CYP26B1: variants seen among roughly 807,000 people sequenced by gnomAD.
CYP26B1 encodes the protein cytochrome P450 26B1.
A neutral mutation model predicts 39.1 loss-of-function variants in CYP26B1; 8 were observed. That is an observed-to-expected ratio of 0.20 (90% CI 0.12 to 0.37). The LOEUF (loss-of-function observed/expected upper bound fraction) is 0.37, where lower values mean the gene tolerates loss of function less well. Among genes scored for constraint, CYP26B1 ranks in the 10% least tolerant of loss-of-function variants. CYP26B1 has a pLI of 1.00. For synonymous variants in CYP26B1, 321 were observed against 314.3 expected (o/e 1.02, Z -0.23); for missense variants, 615 against 707.0 (o/e 0.87, Z 1.48).
At position 72,139,515 on chromosome 2, in the gene CYP26B1, G is replaced by A. The variant is rs892344394; in HGVS notation, c.430-4096C>T. 5.9e-5 allele frequency among the ~76,000 whole-genome samples: 9 copies of A among 152,186 alleles called. 1 individual carries two copies. Among genetic ancestry groups the A allele is most frequent in the Non-Finnish European group, 7.3e-5 (5 of 68,034 alleles). On this transcript the variant is annotated intron_variant, in intron 2 of 5. Coordinates refer to ENST00000001146, the MANE Select transcript of CYP26B1 (RefSeq NM_019885.4). ...GCCCAGACCCCCAACAGGCTCCAGCGGTTGGAGCAAAGCGCCTGCCTGCGA... is the reference window on the plus strand; with the variant it reads ...GCCCAGACCCCCAACAGGCTCCAGCAGTTGGAGCAAAGCGCCTGCCTGCGA...
chr2:72,134,476 C>G (rs982909958), intron 4 of CYP26B1, among the ~76,000 whole-genome samples: 1 of 152,174 alleles, frequency 6.6e-6, no homozygotes, highest in Non-Finnish European at 1.5e-5. Context: ...CCCTAGATGG[C>G]CTTCCAGGGA....
At chr2:72,143,371 C>CGGGGGG (rs575862508) in intron 2 of CYP26B1, among the ~76,000 whole-genome samples, 12 of 143,428 alleles carry the variant, frequency 8.4e-5, no homozygotes, top group African/African-American at 3.1e-4. Flanking sequence ...CTTCCTCTTT[C>CGGGGGG]GGGGGGGGGT....
rs1426589459 is a variant in CYP26B1, at chr2:72,147,606, T to G, written c.204+25A>C. On this transcript the variant is annotated intron_variant, in intron 1 of 5. Coordinates refer to ENST00000001146, the MANE Select transcript of CYP26B1 (RefSeq NM_019885.4). The surrounding 1 kb of genome is among the most constrained non-coding windows in gnomAD (Gnocchi z 6.1). The stretch of plus-strand genomic sequence containing the variant: ...CGCTCGCAGCTAGCGGACCCCGGAG[T>G]GCAGCGGAGCGAGCGCGCCCTTACC... 3 of 1,594,952 alleles carry G rather than the reference T, an allele frequency of 1.9e-6. No individual in the cohort carries two copies. The highest frequency in any genetic ancestry group is 1.7e-5 in the Admixed American group (1 of 58,650).
chr2:72,143,837 T>C, intron 2 of CYP26B1, 152 bp downstream of exon 2: 2 of 967,540 alleles, frequency 2.1e-6, no homozygotes. Context: ...GGATCCGGAC[T>C]CGAGGCCTTG....
intron 1 of CYP26B1, chr2:72,144,438 A>AC: frequency 7.4e-7 from 1 of 1,343,370 alleles, no homozygotes; most frequent in Non-Finnish European, 9.5e-7. Flanking sequence ...GCCCAGGGGC[A>AC]CCCCCAGGAG....
chr2:72,141,678 G>A (rs1032527774), intron 2 of CYP26B1, among the ~76,000 whole-genome samples: 1 of 152,256 alleles, frequency 6.6e-6, no homozygotes, highest in African/African-American at 2.4e-5. Context: ...CGGGCCTTGG[G>A]TTCAGCAGAT....
intron 3 of CYP26B1, 61 bp downstream of exon 3, chr2:72,135,083 C>T (rs767173663): frequency 1.2e-6 from 2 of 1,608,852 alleles, no homozygotes; most frequent in South Asian, 1.1e-5. Context: ...CAGCCACCCA[C>T]CCCCAGAGAG....
chr2:72,142,490 A>T (rs1218022340), intron 2 of CYP26B1, among the ~76,000 whole-genome samples: 1 of 152,186 alleles, frequency 6.6e-6, no homozygotes, highest in Non-Finnish European at 1.5e-5. Context: ...ACCTGGTTCA[A>T]GTCTCATTCA....
Position 72,137,935 on chromosome 2 carries a change from G to A in CYP26B1, c.430-2516C>T, listed in dbSNP as rs375690027. Among the ~76,000 whole-genome samples, 44 of 152,332 alleles carry A rather than the reference G, an allele frequency of 2.9e-4. 1 individual carries two copies. In the South Asian group the frequency reaches 5.2e-3, roughly 18 times the overall value. On this transcript the variant is annotated intron_variant, in intron 2 of 5. Coordinates refer to ENST00000001146, the MANE Select transcript of CYP26B1 (RefSeq NM_019885.4). ...GGACCAGGACACTGTCTTGGCCGGC[G>A]TCTGACTTGCTGAGTGACAGCCAGC...
intron 2 of CYP26B1, among the ~76,000 whole-genome samples, chr2:72,139,918 T>C (rs934685693): frequency 6.6e-6 from 1 of 151,072 alleles, no homozygotes; most frequent in Non-Finnish European, 1.5e-5. Flanking sequence ...TCCTCTACGG[T>C]GAAGTCCACT....
At position 72,132,195 on chromosome 2, in the gene CYP26B1, C is replaced by T; in HGVS notation, c.*32G>A. 6.3e-7 allele frequency: 1 copy of T among 1,587,254 alleles called. No homozygotes were observed. Among genetic ancestry groups the T allele is most frequent in the East Asian group, 2.3e-5 (1 of 43,882 alleles). On this transcript the variant is annotated 3_prime_UTR_variant, in exon 6 of 6. Transcript: ENST00000001146. ...ACCTCCCACAACCACCACCCCGCTG[C>T]CTGGGCTGGGCTGAGGCGGGTGGGT...
chr2:72,137,120 T>G (rs1676800530), intron 2 of CYP26B1, among the ~76,000 whole-genome samples: 1 of 151,788 alleles, frequency 6.6e-6, no homozygotes, highest in Non-Finnish European at 1.5e-5. Context: ...TCACGAAGAG[T>G]GCAGGGTAGG....
intron 2 of CYP26B1, among the ~76,000 whole-genome samples, chr2:72,141,570 C>G (rs1047018309): frequency 1.3e-5 from 2 of 152,242 alleles, no homozygotes; most frequent in African/African-American, 4.8e-5. Context: ...CCTGGCCCAG[C>G]AGCCCACACT....
In CYP26B1 at chr2:72,132,444, C is replaced by A; in HGVS notation, c.1322G>T (p.Cys441Phe). The A allele has an allele frequency of 6.2e-7, 1 of 1,613,296 alleles. No homozygotes were observed. The highest frequency in any genetic ancestry group is 8.5e-7 in the Non-Finnish European group (1 of 1,179,648). Residue 441 changes from cysteine to phenylalanine, a missense_variant, in exon 6 of 6, where the codon TGC becomes TTC. Transcript: ENST00000001146. ...YLPFGGGVRT[C>F]LGKHLAKLFL... Reference sequence around the variant, plus strand: ...CAGCTTGGCCAGGTGCTTGCCCAGGCAGGTCCGGACACCGCCACCGAACGG... The same window carrying A: ...CAGCTTGGCCAGGTGCTTGCCCAGGAAGGTCCGGACACCGCCACCGAACGG...
Position 72,133,303 on chromosome 2 carries a change from C to T in CYP26B1, c.866G>A (p.Gly289Glu), listed in dbSNP as rs1676654278. Residue 289 changes from glycine to glutamate, a missense_variant, in exon 5 of 6, where the codon GGG becomes GAG. Gly to Glu is a moderately conservative substitution (Grantham distance 98). Transcript: ENST00000001146. ...GGCCGCAAAGATCAGCTCCAGGGTC[C>T]CGTCCTGCAGGGCACAGAGGAGAGG... is the stretch of plus-strand genomic sequence containing the variant. The part of the protein sequence containing the change: ...KEMTMQELKD[G>E]TLELIFAAYA... The T allele has an allele frequency of 2.5e-6, 4 of 1,603,754 alleles. No homozygotes were observed. The highest frequency in any genetic ancestry group is 3.4e-6 in the Non-Finnish European group (4 of 1,179,310).
At chr2:72,134,412 C>CCAAGGGCTGAGGCTGGTGA (rs1248258372) in intron 4 of CYP26B1, among the ~76,000 whole-genome samples, 1 of 152,152 alleles carries the variant, frequency 6.6e-6, no homozygotes, top group East Asian at 1.9e-4. Context: ...CTGCTCTTCC[C>CCAAGGGCTGAGGCTGGTGA]CAAGGGCTGA....
In CYP26B1 at chr2:72,129,498, T is replaced by G. The variant is rs887842; in HGVS notation, c.*2729A>C. The G allele has an allele frequency of 0.37, 56,388 of 152,510 alleles. 13,293 individuals are homozygous for G. Among genetic ancestry groups the G allele is most frequent in the African/African-American group, 0.66 (27,366 of 41,438 alleles). 9.4% of individuals were successfully genotyped at this position (152,510 alleles called of 1,614,324 possible). ...TGTTTACAATAGAGCAAAATTCATATTTTACTAAATAACAAATATTTAACA... is the reference window on the plus strand; with the variant it reads ...TGTTTACAATAGAGCAAAATTCATAGTTTACTAAATAACAAATATTTAACA... On this transcript the variant is annotated 3_prime_UTR_variant, in exon 6 of 6. Coordinates refer to ENST00000001146, the MANE Select transcript of CYP26B1 (RefSeq NM_019885.4).
At chr2:72,143,932 C>T in intron 2 of CYP26B1, 57 bp downstream of exon 2, 2 of 1,594,824 alleles carry the variant, frequency 1.3e-6, no homozygotes, top group Non-Finnish European at 8.6e-7. Flanking sequence ...GCTCCAGGAA[C>T]TCCTTGCCCC....
At chr2:72,135,679 C>A (rs1220532759) in intron 2 of CYP26B1, among the ~76,000 whole-genome samples, 1 of 152,168 alleles carries the variant, frequency 6.6e-6, no homozygotes, top group Non-Finnish European at 1.5e-5. Context: ...TCCCGGGACA[C>A]AGGACGGAAG....
Sources: allele counts gnomAD v4.1 joint callset (sites outside exome capture counted in the v4.1 genomes callset), GRCh38; gene constraint gnomAD v4.1.1; non-coding constraint Gnocchi (gnomAD v3.1); transcripts MANE v1.5; gene names NCBI Gene and HGNC (gene_info 2026-07-23, HGNC 2026-07-21).